Variants in RIMS2 observed in about 807,000 individuals in gnomAD.
RIMS2 encodes the protein regulating synaptic membrane exocytosis protein 2.
Under a neutral mutation model 174.4 loss-of-function variants are expected in RIMS2, and 59 were observed. The observed-to-expected ratio is 0.34, with a 90% confidence interval of 0.27 to 0.42. RIMS2 has a LOEUF of 0.42. Among genes scored for constraint, RIMS2 ranks in the 10% least tolerant of loss-of-function variants. The probability of loss-of-function intolerance (pLI) is 1.00; values close to 1 mark genes in which losing one functional copy is unlikely to be tolerated. For missense variants in RIMS2, 1,620 were observed against 1,666.3 expected (o/e 0.97, Z 0.48); for synonymous variants, 606 against 572.5 (o/e 1.06, Z -0.84).
intron 3 of RIMS2, among the ~76,000 whole-genome samples, chr8:103,796,710 A>C (rs899176851): frequency 7.9e-5 from 12 of 152,322 alleles, no homozygotes; most frequent in African/African-American, 2.9e-4. Flanking sequence ...TGTGTGTCAG[A>C]TTTCTAGATG....
intron 3 of RIMS2, among the ~76,000 whole-genome samples, chr8:103,835,441 G>T (rs1424207666): frequency 6.8e-6 from 1 of 148,004 alleles, no homozygotes; most frequent in African/African-American, 2.4e-5. Flanking sequence ...TTCAGGCATT[G>T]ATTGAATTTG....
chr8:104,222,247 T>G (rs1471515155), intron 19 of RIMS2, among the ~76,000 whole-genome samples: 3 of 152,210 alleles, frequency 2.0e-5, no homozygotes, highest in African/African-American at 7.2e-5. Context: ...GGATTTTTTT[T>G]AGCTGCTTTG....
intron 2 of RIMS2, among the ~76,000 whole-genome samples, chr8:103,741,340 A>T (rs929377551): frequency 1.3e-5 from 2 of 152,112 alleles, no homozygotes; most frequent in Non-Finnish European, 2.9e-5. Flanking sequence ...TAATGACTAG[A>T]TGTGAATAGA....
chr8:103,898,326 A>G (rs2099303125), intron 4 of RIMS2, among the ~76,000 whole-genome samples: 1 of 151,696 alleles, frequency 6.6e-6, no homozygotes, highest in Non-Finnish European at 1.5e-5. Flanking sequence ...ATAACCCTGG[A>G]AAGAACTATC....
intron 19 of RIMS2, among the ~76,000 whole-genome samples, chr8:104,171,018 T>C (rs2098829119): frequency 6.6e-6 from 1 of 152,156 alleles, no homozygotes; most frequent in African/African-American, 2.4e-5. Flanking sequence ...TGCTGAGAAG[T>C]CTGCTGTTAG....
intron 3 of RIMS2, among the ~76,000 whole-genome samples, chr8:103,868,960 A>G (rs949998175): frequency 8.5e-5 from 13 of 152,140 alleles, no homozygotes; most frequent in African/African-American, 3.1e-4. Flanking sequence ...AATTCATCAT[A>G]ACTATTTAAC....
At chr8:104,218,070 T>C (rs1324182298) in intron 19 of RIMS2, among the ~76,000 whole-genome samples, 2 of 152,204 alleles carry the variant, frequency 1.3e-5, no homozygotes, top group East Asian at 3.8e-4. Flanking sequence ...TAATATCGTA[T>C]CTATCTTCAC....
chr8:103,834,332 C>CTTTTTTTT (rs397892077), intron 3 of RIMS2, among the ~76,000 whole-genome samples: 15 of 119,264 alleles, frequency 1.3e-4, no homozygotes, highest in Admixed American at 2.8e-4. Context: ...TTTTCTTTTT[C>CTTTTTTTT]TTTTTTTTTT....
At chr8:104,187,287 T>C (rs2136199565) in intron 19 of RIMS2, among the ~76,000 whole-genome samples, 1 of 151,944 alleles carries the variant, frequency 6.6e-6, no homozygotes, top group East Asian at 1.9e-4. Context: ...TTGTTTGAGG[T>C]TAATTCCTCT....
intron 14 of RIMS2, among the ~76,000 whole-genome samples, chr8:103,960,404 T>G (rs1565539946): frequency 6.6e-6 from 1 of 152,202 alleles, no homozygotes; most frequent in Non-Finnish European, 1.5e-5. Context: ...AGTCTATTTC[T>G]TAGAAAACAT....
At chr8:103,955,755 A>G (rs1020286732) in intron 14 of RIMS2, among the ~76,000 whole-genome samples, 11 of 152,338 alleles carry the variant, frequency 7.2e-5, no homozygotes, top group African/African-American at 2.2e-4. Context: ...GGCCAGGGCA[A>G]TCAGGCAAGA....
At chr8:104,127,742 C>A (rs896659191) in intron 19 of RIMS2, among the ~76,000 whole-genome samples, 1 of 151,016 alleles carries the variant, frequency 6.6e-6, no homozygotes, top group Non-Finnish European at 1.5e-5. Flanking sequence ...CAAAAAAAAA[C>A]AATAAAAAAG....
chr8:103,795,911 C>T (rs2098546754), intron 3 of RIMS2, among the ~76,000 whole-genome samples: 1 of 152,156 alleles, frequency 6.6e-6, no homozygotes, highest in Non-Finnish European at 1.5e-5. Context: ...AAAATCGAGA[C>T]ATTTAAAATG....
At chr8:103,664,699 A>G (rs2096646718) in intron 1 of RIMS2, among the ~76,000 whole-genome samples, 1 of 152,318 alleles carries the variant, frequency 6.6e-6, no homozygotes, top group African/African-American at 2.4e-5. Flanking sequence ...TTGTTCAACC[A>G]TTGTGGAAGA....
chr8:103,628,272 C>G (rs925478740), intron 1 of RIMS2, among the ~76,000 whole-genome samples: 10 of 151,854 alleles, frequency 6.6e-5, no homozygotes, highest in African/African-American at 2.4e-4. Flanking sequence ...TAATAGAAGA[C>G]CTTACAAGAG....
At chr8:103,556,542 GGGGTAGCCA>G (rs1563768211) in intron 1 of RIMS2, among the ~76,000 whole-genome samples, 2 of 152,112 alleles carry the variant, frequency 1.3e-5, no homozygotes, top group African/African-American at 2.4e-5. Context: ...GAGTTATACT[GGGGTAGCCA>G]GGACTTCATC....
chr8:103,873,404 AT>A (rs1287485336), intron 3 of RIMS2, among the ~76,000 whole-genome samples: 1 of 152,030 alleles, frequency 6.6e-6, no homozygotes, highest in East Asian at 1.9e-4. Context: ...TGTATTAGGA[AT>A]CCCACTTTTT....
intron 19 of RIMS2, among the ~76,000 whole-genome samples, chr8:104,064,889 G>T (rs1464160281): frequency 6.6e-6 from 1 of 151,806 alleles, no homozygotes; most frequent in African/African-American, 2.4e-5. Flanking sequence ...TGATTTCTAA[G>T]ATATAATGAC....
intron 1 of RIMS2, among the ~76,000 whole-genome samples, chr8:103,603,245 G>A (rs1473247289): frequency 6.7e-6 from 1 of 150,244 alleles, no homozygotes; most frequent in Non-Finnish European, 1.5e-5. Context: ...AGCATATGCG[G>A]TGTTTGGTTT....
Sources: gnomAD v4.1 joint callset for allele counts (sites outside exome capture counted in the v4.1 genomes callset) on GRCh38, gnomAD v4.1.1 for gene constraint, MANE v1.5 for transcripts, NCBI Gene and HGNC (gene_info 2026-07-23, HGNC 2026-07-21) for gene names.